Variants in ATXN10 observed in about 807,000 individuals in gnomAD.
The protein encoded by ATXN10 is ataxin-10.
A neutral mutation model predicts 52.9 loss-of-function variants in ATXN10; 28 were observed. The ratio of observed to expected loss-of-function variants is 0.53; its 90% CI spans 0.39 to 0.73. The LOEUF (loss-of-function observed/expected upper bound fraction) is 0.73. Among genes scored for constraint, ATXN10 ranks in the 30% least tolerant of loss-of-function variants. The pLI, the probability that ATXN10 is intolerant of heterozygous loss-of-function variation, is 0.00. For synonymous variants in ATXN10, 226 were observed against 221.5 expected (o/e 1.02, Z -0.18); for missense variants, 565 against 577.0 (o/e 0.98, Z 0.21).
Position 45,740,727 on chromosome 22 carries a change from TAC to T in ATXN10, c.1173+200_1173+201del, listed in dbSNP as rs1311708053. 6.0e-4 allele frequency: 228 copies of T among 379,820 alleles called. 3 individuals are homozygous for T. Among genetic ancestry groups the T allele is most frequent in the African/African-American group, 4.8e-3 (172 of 36,190 alleles). 23.5% of individuals were successfully genotyped at this position (379,820 alleles called of 1,614,324 possible). A position where few individuals can be genotyped will look rare whatever the true frequency, so the allele number is the denominator to read the frequency against. ...ACACACACACACACACACATATATA[TAC>T]ACACACACACGTGTGTGTGTGTGTG... On this transcript the variant is annotated intron_variant, in intron 9 of 11. Coordinates refer to ENST00000252934, the MANE Select transcript of ATXN10 (RefSeq NM_013236.4).
At chr22:45,694,380 C>T (rs1923505026) in intron 3 of ATXN10, among the ~76,000 whole-genome samples, 2 of 151,966 alleles carry the variant, frequency 1.3e-5, no homozygotes, top group East Asian at 1.9e-4. Flanking sequence ...GGCTGGGTGC[C>T]GTGGCTCATG....
rs561572297 is a variant in ATXN10 at position 45,812,165 on chromosome 22, A to G, written c.1237+5143A>G. Among the ~76,000 whole-genome samples, 4 of 152,232 alleles carry G rather than the reference A, an allele frequency of 2.6e-5. No homozygotes were observed. The South Asian group carries it at 8.3e-4, about 32-fold the overall frequency. On this transcript the variant is annotated intron_variant, in intron 10 of 11. Transcript: ENST00000252934. ...TTCTGTGTCTTTTCTCTCAAGTCCC[A>G]GCTGAGATAGGCCACCCGCTCCGAT...
Position 45,820,757 on chromosome 22 carries a change from T to A in ATXN10, c.1237+13735T>A, listed in dbSNP as rs781279089. 2.6e-5 allele frequency among the ~76,000 whole-genome samples: 4 copies of A among 152,184 alleles called. No homozygotes were observed. The highest frequency in any genetic ancestry group is 4.8e-5 in the African/African-American group (2 of 41,440). On this transcript the variant is annotated intron_variant, in intron 10 of 11. Coordinates refer to ENST00000252934, the MANE Select transcript of ATXN10 (RefSeq NM_013236.4). The surrounding 1 kb of genome is among the most constrained non-coding windows in gnomAD (Gnocchi z 4.9). ...CAGGGTGGTTTGCTTACCCCGGCCATCCCAACAATGGTGGTTGGTTTTTGT... is the reference window on the plus strand; with the variant it reads ...CAGGGTGGTTTGCTTACCCCGGCCAACCCAACAATGGTGGTTGGTTTTTGT...
At position 45,684,987 on chromosome 22, in the gene ATXN10, C is replaced by G. The variant is rs184065573; in HGVS notation, c.117-4725C>G. Reference sequence around the variant, plus strand: ...GTTTTTCTCACTGGCAGTTGTTAAACTACTCTAAACCACATATGCCAGTTT... The same window carrying G: ...GTTTTTCTCACTGGCAGTTGTTAAAGTACTCTAAACCACATATGCCAGTTT... On this transcript the variant is annotated intron_variant, in intron 1 of 11. Coordinates refer to ENST00000252934, the MANE Select transcript of ATXN10 (RefSeq NM_013236.4). The surrounding 1 kb of genome is among the most constrained non-coding windows in gnomAD (Gnocchi z 4.1). Among the ~76,000 whole-genome samples, 32 of 152,206 alleles carry G rather than the reference C, an allele frequency of 2.1e-4. No individual in the cohort carries two copies. The highest frequency in any genetic ancestry group is 7.7e-4 in the African/African-American group (32 of 41,514).
In ATXN10 at chr22:45,681,688, G is replaced by A. The variant is rs1002832074; in HGVS notation, c.117-8024G>A. 5.9e-5 allele frequency among the ~76,000 whole-genome samples: 9 copies of A among 152,140 alleles called. No individual in the cohort carries two copies. The highest frequency in any genetic ancestry group is 1.3e-4 in the Admixed American group (2 of 15,274). ...CAAGGCTAGAGAAAAACATACAGCC[G>A]TGCAGACTGCTCTCACTTTAACTTG... On this transcript the variant is annotated intron_variant, in intron 1 of 11. Transcript: ENST00000252934. This position sits in a 1 kb window ranked among gnomAD's most constrained non-coding sequence, Gnocchi z 4.2.
chr22:45,803,777 G>A (rs960475719), intron 9 of ATXN10, among the ~76,000 whole-genome samples: 6 of 152,200 alleles, frequency 3.9e-5, no homozygotes, highest in African/African-American at 7.2e-5. Flanking sequence ...TAGACGTGGG[G>A]CAGGTTATCA....
rs543325277 is a variant in ATXN10, at chr22:45,766,134, G to A, written c.1173+25596G>A. Among the ~76,000 whole-genome samples the A allele has an allele frequency of 6.6e-5, 10 of 152,296 alleles. No homozygotes were observed. The highest frequency in any genetic ancestry group is 5.2e-4 in the Admixed American group (8 of 15,292). ...CTCAGATCACTGGGAGGAAAAGAAG[G>A]AATATTTAATAAAAAGTATGGGGAC... On this transcript the variant is annotated intron_variant, in intron 9 of 11. Coordinates refer to ENST00000252934, the MANE Select transcript of ATXN10 (RefSeq NM_013236.4). The surrounding 1 kb of genome is among the most constrained non-coding windows in gnomAD (Gnocchi z 4.6).
At chr22:45,734,730 G>A (rs1925223210) in intron 7 of ATXN10, among the ~76,000 whole-genome samples, 1 of 151,410 alleles carries the variant, frequency 6.6e-6, no homozygotes, top group Non-Finnish European at 1.5e-5. Context: ...AATTATTTAT[G>A]TCTTTTGACT....
intron 10 of ATXN10, among the ~76,000 whole-genome samples, chr22:45,838,502 C>T (rs748462075): frequency 6.6e-6 from 1 of 152,194 alleles, no homozygotes; most frequent in Non-Finnish European, 1.5e-5. Flanking sequence ...GTTAGAAGCT[C>T]TCTTTCTAAA....
Position 45,728,565 on chromosome 22 carries a change from T to G in ATXN10, c.729-860T>G. Among the ~76,000 whole-genome samples, 1 of 152,216 alleles carries G rather than the reference T, an allele frequency of 6.6e-6. No individual in the cohort carries two copies. The highest frequency in any genetic ancestry group is 1.5e-5 in the Non-Finnish European group (1 of 68,030). On this transcript the variant is annotated intron_variant, in intron 6 of 11. Coordinates refer to ENST00000252934, the MANE Select transcript of ATXN10 (RefSeq NM_013236.4). This position sits in a 1 kb window ranked among gnomAD's most constrained non-coding sequence, Gnocchi z 4.3. ...TGTTCCATGCCTAATTTGAGTGTATTTACCCTTATTTGCTAATAAGCAGTT... is the reference window on the plus strand; with the variant it reads ...TGTTCCATGCCTAATTTGAGTGTATGTACCCTTATTTGCTAATAAGCAGTT...
intron 8 of ATXN10, among the ~76,000 whole-genome samples, chr22:45,739,650 G>T (rs1925433378): frequency 6.6e-6 from 1 of 152,166 alleles, no homozygotes; most frequent in South Asian, 2.1e-4. Flanking sequence ...GGTCGATGTG[G>T]GTTGCCATCC....
rs545766864 is a variant in ATXN10 at position 45,708,959 on chromosome 22, A to T, written c.647+6112A>T. Among the ~76,000 whole-genome samples the T allele has an allele frequency of 2.0e-5, 3 of 152,266 alleles. No homozygotes were observed. Among genetic ancestry groups the T allele is most frequent in the Admixed American group, 1.3e-4 (2 of 15,290 alleles). On this transcript the variant is annotated intron_variant, in intron 5 of 11. Transcript: ENST00000252934. The surrounding 1 kb of genome is among the most constrained non-coding windows in gnomAD (Gnocchi z 5.3). The stretch of plus-strand genomic sequence containing the variant: ...CACCTAAACTTTTATTAATCCATTG[A>T]ACTTTTTACCCAGTTTCACTACAAA...
intron 6 of ATXN10, 46 bp from the exon 7 acceptor site, chr22:45,729,379 A>G (rs988074604): frequency 4.4e-6 from 7 of 1,593,516 alleles, no homozygotes; most frequent in Non-Finnish European, 5.2e-6. Context: ...AGCATTGTAT[A>G]ATTTAAGTAT....
At chr22:45,731,293 G>A (rs537521790) in intron 7 of ATXN10, among the ~76,000 whole-genome samples, 8 of 152,296 alleles carry the variant, frequency 5.3e-5, no homozygotes, top group African/African-American at 1.9e-4. Flanking sequence ...AGATATATCG[G>A]TCATGACAGA....
At position 45,820,795 on chromosome 22, in the gene ATXN10, A is replaced by T. The variant is rs1928620815; in HGVS notation, c.1237+13773A>T. Among the ~76,000 whole-genome samples, 1 of 152,152 alleles carries T rather than the reference A, an allele frequency of 6.6e-6. No individual in the cohort carries two copies. The highest frequency in any genetic ancestry group is 6.5e-5 in the Admixed American group (1 of 15,278). On this transcript the variant is annotated intron_variant, in intron 10 of 11. Coordinates refer to ENST00000252934, the MANE Select transcript of ATXN10 (RefSeq NM_013236.4). This position sits in a 1 kb window ranked among gnomAD's most constrained non-coding sequence, Gnocchi z 4.9. ...GGTTGGTTTTTGTGAGCTGCCGGGA[A>T]AGTCGTCTTGGGGAATGGACAGACC...
At position 45,729,783 on chromosome 22, in the gene ATXN10, T is replaced by G. The variant is rs1350903533; in HGVS notation, c.894+193T>G. On this transcript the variant is annotated intron_variant, in intron 7 of 11. Transcript: ENST00000252934. Reference sequence around the variant, plus strand: ...CCTTATTCCTACCATCCAGAGTCAATGACTTAGGCAAATTCTGGTTAATTT... The same window carrying G: ...CCTTATTCCTACCATCCAGAGTCAAGGACTTAGGCAAATTCTGGTTAATTT... The G allele has an allele frequency of 2.5e-5, 17 of 680,344 alleles. No individual in the cohort carries two copies. The East Asian group carries it at 5.2e-4, about 21-fold the overall frequency. The allele number at this position is 680,344 out of a possible 1,614,324, so 42.1% of individuals were successfully genotyped here.
intron 9 of ATXN10, among the ~76,000 whole-genome samples, chr22:45,752,682 G>T (rs1926025398): frequency 6.6e-6 from 1 of 152,042 alleles, no homozygotes; most frequent in East Asian, 1.9e-4. Context: ...AGCGTTAGTA[G>T]ATTCCTTATT....
intron 9 of ATXN10, among the ~76,000 whole-genome samples, chr22:45,785,065 T>C (rs1337943583): frequency 6.6e-6 from 1 of 152,230 alleles, no homozygotes; most frequent in African/African-American, 2.4e-5. Context: ...TTGTTCTAAA[T>C]GTAGCTGTGC....
chr22:45,750,297 T>C lies in ATXN10; in HGVS notation c.1173+9759T>C, dbSNP rs1409886162. On this transcript the variant is annotated intron_variant, in intron 9 of 11. Transcript: ENST00000252934. This position sits in a 1 kb window ranked among gnomAD's most constrained non-coding sequence, Gnocchi z 4.2. ...TTTTTGTAGAGGTGGGATTTTCCCA[T>C]GTTCCCCAGGCTGGTCTTGAACTCC... is the stretch of plus-strand genomic sequence containing the variant. Among the ~76,000 whole-genome samples, 1 of 152,070 alleles carries C rather than the reference T, an allele frequency of 6.6e-6. No homozygotes were observed. The highest frequency in any genetic ancestry group is 6.6e-5 in the Admixed American group (1 of 15,264).
Sources: allele counts gnomAD v4.1 joint callset (sites outside exome capture counted in the v4.1 genomes callset), GRCh38; gene constraint gnomAD v4.1.1; non-coding constraint Gnocchi (gnomAD v3.1); transcripts MANE v1.5; gene names NCBI Gene and HGNC (gene_info 2026-07-23, HGNC 2026-07-21).